FHIT: variants seen among roughly 807,000 people sequenced by gnomAD.
FHIT encodes the protein bis(5'-adenosyl)-triphosphatase.
A neutral mutation model predicts 17.9 loss-of-function variants in FHIT; 19 were observed. The ratio of observed to expected loss-of-function variants is 1.06; its 90% confidence interval spans 0.74 to 1.56. FHIT has a LOEUF of 1.56. Among genes scored for constraint, FHIT ranks in the 40% most tolerant of loss-of-function variants. The probability of loss-of-function intolerance (pLI) is 0.00; values close to 1 mark genes in which losing one functional copy is unlikely to be tolerated. For missense variants in FHIT, 248 were observed against 189.2 expected (o/e 1.31, Z -1.82); for synonymous variants, 81 against 69.7 (o/e 1.16, Z -0.81).
intron 2 of FHIT, among the ~76,000 whole-genome samples, chr3:61,127,055 A>G (rs2036627731): frequency 6.6e-6 from 1 of 152,240 alleles, no homozygotes; most frequent in Non-Finnish European, 1.5e-5. Context: ...AGCCACCATC[A>G]TAGTTGCCAT....
At chr3:60,258,528 T>C (rs1413171245) in intron 5 of FHIT, among the ~76,000 whole-genome samples, 1 of 152,116 alleles carries the variant, frequency 6.6e-6, no homozygotes, top group Non-Finnish European at 1.5e-5. Context: ...TTTTAGATGG[T>C]GCTTCCTAAG....
chr3:60,757,843 C>G (rs957947969), intron 4 of FHIT, among the ~76,000 whole-genome samples: 3 of 152,160 alleles, frequency 2.0e-5, no homozygotes, highest in African/African-American at 7.2e-5. Context: ...ATGGATGACA[C>G]GACACTCGCA....
chr3:60,846,787 A>G (rs1702940456), intron 3 of FHIT, among the ~76,000 whole-genome samples: 1 of 151,912 alleles, frequency 6.6e-6, no homozygotes, highest in Non-Finnish European at 1.5e-5. Flanking sequence ...GCATTAATGG[A>G]TGTATTTGTC....
At position 60,252,408 on chromosome 3, in the gene FHIT, T is replaced by A. The variant is rs564286210; in HGVS notation, c.104-238256A>T. ...AAAAATTTTAAAAATTTAAAAAATT[T>A]AAAAAATTAGCAGATCATAATGGCA... On this transcript the variant is annotated intron_variant, in intron 5 of 9. Coordinates refer to ENST00000492590, the MANE Select transcript of FHIT (RefSeq NM_002012.4). Among the ~76,000 whole-genome samples the A allele has an allele frequency of 3.8e-4, 58 of 151,716 alleles. 2 individuals carry two copies. In the South Asian group the frequency reaches 0.012, roughly 31 times the overall value.
chr3:59,991,573 C>G (rs957871515), intron 7 of FHIT, among the ~76,000 whole-genome samples: 4 of 152,064 alleles, frequency 2.6e-5, no homozygotes, highest in African/African-American at 9.7e-5. Context: ...AAGTCTCATC[C>G]TATTCATTGC....
At chr3:60,213,835 G>C (rs1195317749) in intron 5 of FHIT, among the ~76,000 whole-genome samples, 1 of 152,156 alleles carries the variant, frequency 6.6e-6, no homozygotes, top group African/African-American at 2.4e-5. Context: ...GAGCATAAGA[G>C]GAACAAGGAC....
intron 8 of FHIT, among the ~76,000 whole-genome samples, chr3:59,911,533 G>T (rs977653280): frequency 6.6e-6 from 1 of 152,168 alleles, no homozygotes; most frequent in Admixed American, 6.5e-5. Context: ...GACAGAGCTG[G>T]CCTTGGTGAT....
At position 61,045,709 on chromosome 3, in the gene FHIT, C is replaced by T. The variant is rs140599764; in HGVS notation, c.-163-3610G>A. Among the ~76,000 whole-genome samples, 242 of 152,290 alleles carry T rather than the reference C, an allele frequency of 1.6e-3. 2 individuals carry two copies. Among genetic ancestry groups the T allele is most frequent in the East Asian group, 0.014 (70 of 5,180 alleles). ...ACTTTCTTCTCAGCACCACATCGTA[C>T]TTATTCCAAAACTGACCACATAGTT... On this transcript the variant is annotated intron_variant, in intron 2 of 9. Coordinates refer to ENST00000492590, the MANE Select transcript of FHIT (RefSeq NM_002012.4).
At position 59,961,402 on chromosome 3, in the gene FHIT, G is replaced by T. The variant is rs557556254; in HGVS notation, c.280-38988C>A. On this transcript the variant is annotated intron_variant, in intron 7 of 9. Transcript: ENST00000492590. ...CATAAGGAAAAAAATACTTCATTTCGCTGTACTTATAGCTCTTTATTATGC... is the reference window on the plus strand; with the variant it reads ...CATAAGGAAAAAAATACTTCATTTCTCTGTACTTATAGCTCTTTATTATGC... 3.3e-5 allele frequency among the ~76,000 whole-genome samples: 5 copies of T among 152,094 alleles called. No individual in the cohort carries two copies. The South Asian group carries it at 6.2e-4, about 19-fold the overall frequency.
At chr3:60,957,632 A>G (rs1386679637) in intron 3 of FHIT, among the ~76,000 whole-genome samples, 2 of 152,242 alleles carry the variant, frequency 1.3e-5, no homozygotes, top group African/African-American at 4.8e-5. Flanking sequence ...ACTGAAGGTA[A>G]CACAGGCCCT....
intron 5 of FHIT, among the ~76,000 whole-genome samples, chr3:60,424,079 T>C (rs902456666): frequency 1.3e-5 from 2 of 152,170 alleles, no homozygotes; most frequent in African/African-American, 4.8e-5. Context: ...CCAAGCACTT[T>C]GAAAACATTA....
At chr3:60,129,815 C>G (rs1365360697) in intron 5 of FHIT, among the ~76,000 whole-genome samples, 1 of 152,144 alleles carries the variant, frequency 6.6e-6, no homozygotes, top group African/African-American at 2.4e-5. Context: ...AATATATTAT[C>G]ATGAATTTTA....
chr3:60,496,169 G>C (rs1306285178), intron 5 of FHIT, among the ~76,000 whole-genome samples: 1 of 151,924 alleles, frequency 6.6e-6, no homozygotes, highest in Non-Finnish European at 1.5e-5. Flanking sequence ...TAGTATCAAA[G>C]GCACTATCCC....
chr3:60,963,097 C>G (rs1215486785), intron 3 of FHIT, among the ~76,000 whole-genome samples: 1 of 152,208 alleles, frequency 6.6e-6, no homozygotes, highest in Non-Finnish European at 1.5e-5. Context: ...ATTATTGCCT[C>G]AATTTCAGAG....
intron 3 of FHIT, among the ~76,000 whole-genome samples, chr3:60,871,247 C>G (rs1157475567): frequency 6.6e-6 from 1 of 152,052 alleles, no homozygotes; most frequent in Non-Finnish European, 1.5e-5. Flanking sequence ...TTTAACATTG[C>G]CTTCACAGTG....
At chr3:60,170,712 G>T (rs1257545309) in intron 5 of FHIT, among the ~76,000 whole-genome samples, 3 of 151,752 alleles carry the variant, frequency 2.0e-5, no homozygotes, top group Non-Finnish European at 4.4e-5. Context: ...ATCAAACACT[G>T]GGGAAAAAAA....
chr3:61,230,999 G>T (rs1334265952), intron 1 of FHIT, among the ~76,000 whole-genome samples: 2 of 152,084 alleles, frequency 1.3e-5, no homozygotes, highest in Non-Finnish European at 2.9e-5. Context: ...ATACTCACTG[G>T]TAAAATCATA....
At chr3:60,102,581 T>C (rs1450418716) in intron 5 of FHIT, among the ~76,000 whole-genome samples, 1 of 151,532 alleles carries the variant, frequency 6.6e-6, no homozygotes, top group Non-Finnish European at 1.5e-5. Context: ...CATCTGTAAA[T>C]CCATAGTTGG....
At chr3:60,918,437 T>G (rs1341643873) in intron 3 of FHIT, among the ~76,000 whole-genome samples, 3 of 152,202 alleles carry the variant, frequency 2.0e-5, no homozygotes, top group Non-Finnish European at 4.4e-5. Flanking sequence ...AAAACTTGCA[T>G]ATAATTTGGG....
Sources: allele counts gnomAD v4.1 joint callset (sites outside exome capture counted in the v4.1 genomes callset), GRCh38; gene constraint gnomAD v4.1.1; transcripts MANE v1.5; gene names NCBI Gene and HGNC (gene_info 2026-07-23, HGNC 2026-07-21).